PCDH15: variants seen among roughly 807,000 people sequenced by gnomAD.
PCDH15 encodes the protein protocadherin related 15.
Under a neutral mutation model 178.5 loss-of-function variants are expected in PCDH15, and 129 were observed. That is an observed-to-expected ratio of 0.72 (90% CI 0.63 to 0.84). The LOEUF (loss-of-function observed/expected upper bound fraction) is 0.84. Ranked by LOEUF, PCDH15 falls within the 40% of genes least tolerant of loss-of-function variation. The pLI is 0.00. For missense variants in PCDH15, 2,230 were observed against 2,099.9 expected (o/e 1.06, Z -1.21); for synonymous variants, 800 against 732.0 (o/e 1.09, Z -1.50).
chr10:54,626,687 T>C (rs972182446), intron 2 of PCDH15, among the ~76,000 whole-genome samples: 12 of 152,110 alleles, frequency 7.9e-5, no homozygotes, highest in Non-Finnish European at 1.5e-4. Flanking sequence ...CCTAGGGCAG[T>C]GCAGAAGGGA....
intron 2 of PCDH15, among the ~76,000 whole-genome samples, chr10:55,562,089 G>A (rs77376053): frequency 1.7e-4 from 26 of 151,762 alleles, no homozygotes; most frequent in African/African-American, 2.7e-4. Flanking sequence ...GTCTGTACAC[G>A]TTGTCTCAAG....
chr10:53,940,738 T>C lies in PCDH15; in HGVS notation c.3232+128A>G, dbSNP rs1054315085. 1.1e-5 allele frequency: 8 copies of C among 743,538 alleles called. No homozygotes were observed. In the African/African-American group the frequency reaches 1.4e-4, roughly 13 times the overall value. 46.1% of individuals were successfully genotyped at this position (743,538 alleles called of 1,614,324 possible). ...GAGTTCAGGATACATGGTTAACAAT[T>C]ACATTTAAGATGGGCACAATTTTAT... On this transcript the variant is annotated intron_variant, in intron 24 of 37. Transcript: ENST00000644397.
chr10:55,107,090 A>AAC (rs1374753047), intron 2 of PCDH15, among the ~76,000 whole-genome samples: 1 of 152,258 alleles, frequency 6.6e-6, no homozygotes, highest in Non-Finnish European at 1.5e-5. Context: ...CTCTCTTGTT[A>AAC]GATATATTTA....
At chr10:55,528,868 C>G (rs191924640) in intron 2 of PCDH15, among the ~76,000 whole-genome samples, 2 of 152,234 alleles carry the variant, frequency 1.3e-5, no homozygotes, top group Admixed American at 1.3e-4. Flanking sequence ...TCCTATTTCT[C>G]CACATCCTCT....
intron 8 of PCDH15, among the ~76,000 whole-genome samples, chr10:54,249,900 T>C (rs1335637868): frequency 6.6e-6 from 1 of 152,090 alleles, no homozygotes; most frequent in African/African-American, 2.4e-5. Flanking sequence ...TATTTTCCCA[T>C]TGTATCTTAA....
chr10:54,459,322 A>G (rs7912337), intron 3 of PCDH15, among the ~76,000 whole-genome samples: 5,017 of 152,108 alleles, frequency 0.033, 130 homozygotes, highest in South Asian at 0.11. Context: ...GTTTATTTCA[A>G]TATTTAATAT....
intron 2 of PCDH15, among the ~76,000 whole-genome samples, chr10:54,553,249 A>T (rs930560041): frequency 9.2e-5 from 14 of 152,166 alleles, no homozygotes; most frequent in Admixed American, 7.9e-4. Context: ...GTTCTAGCTG[A>T]GATCCCCTCT....
chr10:55,438,711 T>C (rs902738002), intron 2 of PCDH15, among the ~76,000 whole-genome samples: 1 of 151,562 alleles, frequency 6.6e-6, no homozygotes, highest in Non-Finnish European at 1.5e-5. Context: ...AAATCACACA[T>C]TAAAAATGAT....
chr10:54,118,928 A>G (rs1037919639), intron 15 of PCDH15, among the ~76,000 whole-genome samples: 4 of 152,140 alleles, frequency 2.6e-5, no homozygotes, highest in African/African-American at 4.8e-5. Context: ...GATCCTGGAG[A>G]GGAAAACACC....
intron 2 of PCDH15, among the ~76,000 whole-genome samples, chr10:55,156,780 T>A (rs1322339600): frequency 6.6e-6 from 1 of 152,078 alleles, no homozygotes; most frequent in African/African-American, 2.4e-5. Context: ...CACACAATCA[T>A]CTATTGGTTC....
At chr10:55,506,605 C>T (rs1208395895) in intron 2 of PCDH15, among the ~76,000 whole-genome samples, 1 of 151,394 alleles carries the variant, frequency 6.6e-6, no homozygotes, top group African/African-American at 2.4e-5. Context: ...GAAGAGGTAT[C>T]GAGGAGGAAC....
At chr10:55,334,699 A>G (rs1460986275) in intron 2 of PCDH15, among the ~76,000 whole-genome samples, 1 of 152,040 alleles carries the variant, frequency 6.6e-6, no homozygotes, top group Non-Finnish European at 1.5e-5. Flanking sequence ...GAGACTCTGA[A>G]TGTCTAGTTT....
chr10:54,494,498 TC>T (rs2079924493), intron 3 of PCDH15, among the ~76,000 whole-genome samples: 2 of 152,264 alleles, frequency 1.3e-5, no homozygotes, highest in South Asian at 4.1e-4. Flanking sequence ...CTGCCACATC[TC>T]TAAACTTTGA....
chr10:55,147,254 C>T (rs982105762), intron 2 of PCDH15, among the ~76,000 whole-genome samples: 4 of 150,814 alleles, frequency 2.7e-5, no homozygotes, highest in Non-Finnish European at 4.4e-5. Context: ...AATCCCATGG[C>T]TTATAAAATT....
At chr10:54,099,154 C>A (rs952425642) in intron 15 of PCDH15, among the ~76,000 whole-genome samples, 4 of 152,010 alleles carry the variant, frequency 2.6e-5, no homozygotes, top group Non-Finnish European at 5.9e-5. Flanking sequence ...AATCAGTACA[C>A]AGTGAATGGC....
chr10:55,409,586 T>C (rs1302292045), intron 2 of PCDH15, among the ~76,000 whole-genome samples: 2 of 152,112 alleles, frequency 1.3e-5, no homozygotes, highest in South Asian at 2.1e-4. Flanking sequence ...ATATGGTAGA[T>C]CACCATACCG....
intron 3 of PCDH15, among the ~76,000 whole-genome samples, chr10:54,837,005 G>C (rs937324265): frequency 1.3e-5 from 2 of 151,806 alleles, no homozygotes; most frequent in Non-Finnish European, 2.9e-5. Context: ...ACAAAACGAA[G>C]AATATTTTTG....
intron 8 of PCDH15, among the ~76,000 whole-genome samples, chr10:54,272,112 T>A (rs1204399946): frequency 6.8e-6 from 1 of 147,446 alleles, no homozygotes; most frequent in East Asian, 2.0e-4. Context: ...TGTAGTACAA[T>A]TGGGTATAAA....
intron 20 of PCDH15, among the ~76,000 whole-genome samples, chr10:53,997,044 A>T (rs1401569205): frequency 6.6e-6 from 1 of 152,156 alleles, no homozygotes; most frequent in Admixed American, 6.5e-5. Context: ...ACTATCAAAC[A>T]ATGCTTCCTT....
Sources: gnomAD v4.1 joint callset for allele counts (sites outside exome capture counted in the v4.1 genomes callset) on GRCh38, gnomAD v4.1.1 for gene constraint, MANE v1.5 for transcripts, NCBI Gene and HGNC (gene_info 2026-07-23, HGNC 2026-07-21) for gene names.